The following NTAQ1 variants were observed in gnomAD, a reference collection of about 807,000 sequenced individuals.
The protein encoded by NTAQ1 is N-terminal glutamine amidase 1, also known as protein N-terminal glutamine amidohydrolase.
A neutral mutation model predicts 28.2 loss-of-function variants in NTAQ1; 21 were observed. The observed-to-expected ratio is 0.74, with a 90% CI of 0.53 to 1.07. The LOEUF (loss-of-function observed/expected upper bound fraction) is 1.07. NTAQ1 is among the 50% of genes least tolerant of loss of function. The pLI is 0.00. For synonymous variants in NTAQ1, 105 were observed against 90.0 expected (o/e 1.17, Z -0.94); for missense variants, 264 against 256.6 (o/e 1.03, Z -0.20).
At chr8:123,437,701 T>C (rs1814803107) in intron 5 of NTAQ1, among the ~76,000 whole-genome samples, 1 of 66,452 alleles carries the variant, frequency 1.5e-5, no homozygotes, top group South Asian at 8.7e-4. Flanking sequence ...AGACTCCATC[T>C]CAAAAAAAAA....
At chr8:123,448,287 C>T (rs572654921), downstream of NTAQ1, 4 of 152,318 alleles carry the variant, frequency 2.6e-5, no homozygotes, top group Admixed American at 1.3e-4. Context: ...AAGCATGTAA[C>T]GATATTTTTA....
intron 1 of NTAQ1, among the ~76,000 whole-genome samples, chr8:123,420,014 C>A (rs903240391): frequency 6.6e-6 from 1 of 151,550 alleles, no homozygotes; most frequent in African/African-American, 2.4e-5. Context: ...ATTTTGTCAC[C>A]CAGATAGTGA....
intron 3 of NTAQ1, among the ~76,000 whole-genome samples, chr8:123,431,696 A>T (rs1001783803): frequency 6.6e-6 from 1 of 152,120 alleles, no homozygotes; most frequent in Non-Finnish European, 1.5e-5. Context: ...CAGGCCTCTC[A>T]TTGGTCAGCT....
Position 123,441,443 on chromosome 8 carries a change from A to G in NTAQ1, c.*28A>G. ...TTGGTCTCAAGATGTGGAACTGTGG[A>G]GAAATTCTAGGACATGAACAAGCTA... On this transcript the variant is annotated 3_prime_UTR_variant, in exon 6 of 6. Coordinates refer to ENST00000287387, the MANE Select transcript of NTAQ1 (RefSeq NM_018024.3). 2 of 1,549,440 alleles carry G rather than the reference A, an allele frequency of 1.3e-6. No individual in the cohort carries two copies. The highest frequency in any genetic ancestry group is 2.7e-5 in the African/African-American group (2 of 72,830).
At chr8:123,452,150 A>T (rs1392979913), downstream of NTAQ1, among the ~76,000 whole-genome samples, 1 of 152,212 alleles carries the variant, frequency 6.6e-6, no homozygotes, top group African/African-American at 2.4e-5. Flanking sequence ...TGAGAGCAGG[A>T]GCTCACAGTA....
At chr8:123,421,824 G>A (rs535548277) in intron 1 of NTAQ1, among the ~76,000 whole-genome samples, 163 of 150,588 alleles carry the variant, frequency 1.1e-3, no homozygotes, top group African/African-American at 3.6e-3. Context: ...GAGTAGCTGG[G>A]GCTGCAGGTG....
intron 6 of NTAQ1, among the ~76,000 whole-genome samples, chr8:123,460,907 T>C (rs917341869): frequency 6.6e-6 from 1 of 152,230 alleles, no homozygotes; most frequent in East Asian, 1.9e-4. Context: ...TGAGGAGGCG[T>C]GCCGTCTGAC....
chr8:123,453,024 AG>A (rs1364109200), downstream of NTAQ1, among the ~76,000 whole-genome samples: 4 of 152,242 alleles, frequency 2.6e-5, no homozygotes, highest in African/African-American at 9.6e-5. Context: ...CTGGAGTTTT[AG>A]AGCAATTTCT....
intron 1 of NTAQ1, among the ~76,000 whole-genome samples, chr8:123,418,597 A>C (rs1332059228): frequency 2.0e-5 from 3 of 152,196 alleles, no homozygotes; most frequent in Admixed American, 2.0e-4. Flanking sequence ...ATATTTGAAA[A>C]GAGATCTGAA....
At chr8:123,428,634 TC>T (rs1814216075) in intron 2 of NTAQ1, among the ~76,000 whole-genome samples, 1 of 152,016 alleles carries the variant, frequency 6.6e-6, no homozygotes, top group Admixed American at 6.6e-5. Context: ...GGAGTCTCAC[TC>T]TGTTGCCCAG....
intron 6 of NTAQ1, among the ~76,000 whole-genome samples, chr8:123,460,345 A>C (rs1361590911): frequency 6.6e-6 from 1 of 152,200 alleles, no homozygotes; most frequent in African/African-American, 2.4e-5. Flanking sequence ...AACTTGCCCA[A>C]AGTAGCACAG....
chr8:123,474,213 T>C (rs1419064986), downstream of NTAQ1, among the ~76,000 whole-genome samples: 1 of 152,110 alleles, frequency 6.6e-6, no homozygotes, highest in Non-Finnish European at 1.5e-5. Flanking sequence ...CCATTAACGG[T>C]TTTTTCTGAT....
chr8:123,428,600 GT>G (rs1586936997), intron 2 of NTAQ1, among the ~76,000 whole-genome samples: 2 of 151,374 alleles, frequency 1.3e-5, no homozygotes, highest in African/African-American at 2.4e-5. Context: ...TTGTTTGTTT[GT>G]TTTTTCTTTT....
At chr8:123,473,615 T>G (rs1161061196), downstream of NTAQ1, among the ~76,000 whole-genome samples, 1 of 152,238 alleles carries the variant, frequency 6.6e-6, no homozygotes, top group Non-Finnish European at 1.5e-5. Flanking sequence ...TCTACATTGT[T>G]GACATGCCTT....
intron 3 of NTAQ1, among the ~76,000 whole-genome samples, chr8:123,430,606 C>T (rs1035093047): frequency 2.1e-4 from 32 of 152,148 alleles, no homozygotes; most frequent in Non-Finnish European, 1.2e-4. Context: ...GGCAAAACTC[C>T]GTCTCTACTA....
At chr8:123,470,134 C>T (rs1283507505), downstream of NTAQ1, among the ~76,000 whole-genome samples, 1 of 152,176 alleles carries the variant, frequency 6.6e-6, no homozygotes, top group Non-Finnish European at 1.5e-5. Flanking sequence ...CAGCTATCTA[C>T]AAGCCAAGAA....
intron 6 of NTAQ1, among the ~76,000 whole-genome samples, chr8:123,459,904 G>A (rs1371869891): frequency 1.3e-5 from 2 of 149,828 alleles, no homozygotes; most frequent in African/African-American, 2.5e-5. Context: ...TGGTTCAAGC[G>A]ATTCTCCTGC....
chr8:123,422,651 G>T, intron 1 of NTAQ1, among the ~76,000 whole-genome samples: 1 of 146,726 alleles, frequency 6.8e-6, no homozygotes, highest in African/African-American at 2.6e-5. Context: ...AGTTTAATTA[G>T]GTCTCACTTG....
rs577877415 is a variant in NTAQ1, at chr8:123,440,146, C to CTTTTTTTT, written c.509-1140_509-1133dup. ...CCACCACGCTGGCCAGGATTAACTC[C>CTTTTTTTT]TTTTTTTTTTTTTTTTTTTTTTTTT... On this transcript the variant is annotated intron_variant, in intron 5 of 5. Coordinates refer to ENST00000287387, the MANE Select transcript of NTAQ1 (RefSeq NM_018024.3). Among the ~76,000 whole-genome samples the CTTTTTTTT allele has an allele frequency of 7.1e-5, 4 of 56,572 alleles. 1 individual carries two copies. The highest frequency in any genetic ancestry group is 2.3e-4 in the African/African-American group (3 of 13,276). The allele number at this position is 56,572 out of a possible 152,430, so 37.1% of individuals were successfully genotyped here.
Sources: gnomAD v4.1 joint callset for allele counts (sites outside exome capture counted in the v4.1 genomes callset) on GRCh38, gnomAD v4.1.1 for gene constraint, MANE v1.5 for transcripts, NCBI Gene and HGNC (gene_info 2026-07-23, HGNC 2026-07-21) for gene names.